KATNB1: variants seen among roughly 807,000 people sequenced by gnomAD.
KATNB1 encodes the protein katanin p80 WD40 repeat-containing subunit B1.
In KATNB1, 38 loss-of-function variants were observed where a neutral mutation model predicts 82.3. That is an observed-to-expected ratio of 0.46 (90% CI 0.36 to 0.61). The LOEUF (loss-of-function observed/expected upper bound fraction) is 0.61. Among genes scored for constraint, KATNB1 ranks in the 20% least tolerant of loss-of-function variants. The pLI is 0.00. For synonymous variants in KATNB1, 361 were observed against 368.7 expected (o/e 0.98, Z 0.24); for missense variants, 749 against 915.7 (o/e 0.82, Z 2.35).
intron 2 of KATNB1, among the ~76,000 whole-genome samples, chr16:57,740,555 G>T (rs2049134260): frequency 6.6e-6 from 1 of 152,252 alleles, no homozygotes; most frequent in Non-Finnish European, 1.5e-5. Context: ...GTGCCTCGGG[G>T]CGTCAGCACC....
rs372112294 is a variant in KATNB1 at position 57,753,276 on chromosome 16, C to G, written c.1046+9C>G. ...TGCAGCAAGCCTCAGAGGTGAGGGC[C>G]TGGGGGGCCTTCGGGGGCCCAGGAG... On this transcript the variant is annotated intron_variant, in intron 11 of 19. Transcript: ENST00000379661. 980 of 1,590,840 alleles carry G rather than the reference C, an allele frequency of 6.2e-4. 2 individuals are homozygous for G. The highest frequency in any genetic ancestry group is 1.2e-3 in the Middle Eastern group (7 of 5,984).
chr16:57,743,150 G>A (rs1445266707), intron 3 of KATNB1, among the ~76,000 whole-genome samples: 1 of 152,246 alleles, frequency 6.6e-6, no homozygotes, highest in Admixed American at 6.5e-5. Flanking sequence ...AAAATTAGCC[G>A]GGCGTGGTGG....
At chr16:57,753,342 G>A (rs1555584302) in intron 11 of KATNB1, 47 bp from the exon 12 acceptor site, 1 of 1,589,578 alleles carries the variant, frequency 6.3e-7, no homozygotes, top group East Asian at 2.3e-5. Flanking sequence ...CCAGCCCTGG[G>A]CCTCACAGGG....
chr16:57,753,896 G>C, intron 12 of KATNB1, 49 bp from the exon 13 acceptor site: 1 of 1,596,294 alleles, frequency 6.3e-7, no homozygotes, highest in African/African-American at 1.3e-5. Context: ...CTGGGTCCCA[G>C]GTGGCCTGGC....
In KATNB1 at chr16:57,751,751, G is replaced by GA. The variant is rs1287721059; in HGVS notation, c.516+27_516+28insA. On this transcript the variant is annotated intron_variant, in intron 7 of 19. Transcript: ENST00000379661. This position sits in a 1 kb window ranked among gnomAD's most constrained non-coding sequence, Gnocchi z 6.3. ...TAGCTCCCGGCCTGACCTGGGCCCA[G>GA]GGGCTGGGGGCTGGGGTCTGCTGAT... 6.3e-7 allele frequency: 1 copy of GA among 1,595,146 alleles called. No homozygotes were observed. The highest frequency in any genetic ancestry group is 1.3e-5 in the African/African-American group (1 of 74,694).
Position 57,751,728 on chromosome 16 carries a change from G to T in KATNB1, c.516+4G>T. ...CGCAGATGACCACACCGTGAAGGTA[G>T]CTCCCGGCCTGACCTGGGCCCAGGG... On this transcript the variant is annotated splice_donor_region_variant and intron_variant, in intron 7 of 19. Transcript: ENST00000379661. The surrounding 1 kb of genome is among the most constrained non-coding windows in gnomAD (Gnocchi z 6.3). 6.2e-7 allele frequency: 1 copy of T among 1,608,662 alleles called. No individual in the cohort carries two copies.
At position 57,751,836 on chromosome 16, in the gene KATNB1, C is replaced by T. The variant is rs143742992; in HGVS notation, c.517-104C>T. ...GGGCTCACATGTCCCAAGCCTATCC[C>T]GAGTGGAAGGTAGCTTGTGGATAAA... On this transcript the variant is annotated intron_variant, in intron 7 of 19. Transcript: ENST00000379661. The surrounding 1 kb of genome is among the most constrained non-coding windows in gnomAD (Gnocchi z 6.3). The T allele has an allele frequency of 6.6e-4, 923 of 1,395,248 alleles. 14 individuals carry two copies. In the East Asian group the frequency reaches 0.02, roughly 30 times the overall value. The allele number at this position is 1,395,248 out of a possible 1,614,324, so 86.4% of individuals were successfully genotyped here. A position where few individuals can be genotyped will look rare whatever the true frequency, so the allele number is the denominator to read the frequency against.
intron 4 of KATNB1, among the ~76,000 whole-genome samples, chr16:57,746,459 G>A (rs782226799): frequency 2.0e-5 from 3 of 152,212 alleles, no homozygotes; most frequent in Non-Finnish European, 4.4e-5. Flanking sequence ...CTTCCACCCT[G>A]TGCTAGGTCG....
intron 4 of KATNB1, among the ~76,000 whole-genome samples, chr16:57,744,757 ATGTG>A (rs1232368575): frequency 5.8e-4 from 81 of 140,284 alleles, no homozygotes; most frequent in African/African-American, 2.1e-3. Flanking sequence ...GTGTGTTTGG[ATGTG>A]TGTGTCTGCG....
intron 4 of KATNB1, 75 bp from the exon 5 acceptor site, chr16:57,750,752 T>C (rs2049220201): frequency 1.0e-5 from 11 of 1,093,836 alleles, no homozygotes; most frequent in Non-Finnish European, 1.6e-5. Flanking sequence ...CACACACAAA[T>C]GCCCACAGCA....
Position 57,751,950 on chromosome 16 carries a change from T to G in KATNB1, c.527T>G (p.Leu176Arg). ...ADDHTVKLWD[L>R]TAGKMMSEFP... ...CTGCCCTGCCTCCAGCTCTGGGATC[T>G]CACTGCCGGCAAGATGATGTCTGAG... Residue 176 changes from leucine (L) to arginine (R), a missense_variant, in exon 8 of 20, where the codon CTC becomes CGC. Around this residue, in one of 3 missense-constraint regions of KATNB1, gnomAD observed 247 missense variants for 349.4 expected, o/e 0.71. Coordinates refer to ENST00000379661, the MANE Select transcript of KATNB1 (RefSeq NM_005886.3). This position sits in a 1 kb window ranked among gnomAD's most constrained non-coding sequence, Gnocchi z 6.3. The G allele has an allele frequency of 6.2e-7, 1 of 1,613,484 alleles. No individual in the cohort carries two copies. The highest frequency in any genetic ancestry group is 8.5e-7 in the Non-Finnish European group (1 of 1,179,668).
At chr16:57,748,473 A>ATTT (rs1567899436) in intron 4 of KATNB1, among the ~76,000 whole-genome samples, 1 of 150,468 alleles carries the variant, frequency 6.6e-6, no homozygotes, top group Non-Finnish European at 1.5e-5. Context: ...TTTTTTAAAA[A>ATTT]AAAAAAAAAA....
intron 19 of KATNB1, 40 bp from the exon 20 acceptor site, chr16:57,756,774 G>A (rs1331993813): frequency 6.6e-7 from 1 of 1,505,348 alleles, no homozygotes; most frequent in Non-Finnish European, 8.9e-7. Flanking sequence ...GTGGGTGGTG[G>A]TGGTGCCAGC....
Position 57,752,587 on chromosome 16 carries a change from G to A in KATNB1, c.690G>A (p.Glu230=). The part of the protein sequence containing the change: ...KFQVVSCIEG[E]PGPVRSVLFN... ...AGGTGGTGAGCTGCATCGAAGGGGAGCCTGGGCCCGTCAGGTACGCAGGCT... is the reference window on the plus strand; with the variant it reads ...AGGTGGTGAGCTGCATCGAAGGGGAACCTGGGCCCGTCAGGTACGCAGGCT... The change falls in exon 9 of 20, where the codon GAG becomes GAA. Residue 230 remains glutamate, a synonymous_variant. Transcript: ENST00000379661. 1 of 1,567,796 alleles carries A rather than the reference G, an allele frequency of 6.4e-7. No individual in the cohort carries two copies. Among genetic ancestry groups the A allele is most frequent in the Non-Finnish European group, 8.6e-7 (1 of 1,156,308 alleles).
chr16:57,752,569 G>T lies in KATNB1; in HGVS notation c.672G>T (p.Val224=). Residue 224 remains valine, a synonymous_variant, in exon 9 of 20, where the codon GTG becomes GTT. Coordinates refer to ENST00000379661, the MANE Select transcript of KATNB1 (RefSeq NM_005886.3). The stretch of plus-strand genomic sequence containing the variant: ...GGGACCTGGAGAAGTTCCAGGTGGT[G>T]AGCTGCATCGAAGGGGAGCCTGGGC... ...RFWDLEKFQV[V]SCIEGEPGPV... 6.4e-7 allele frequency: 1 copy of T among 1,570,014 alleles called. No individual in the cohort carries two copies. Among genetic ancestry groups the T allele is most frequent in the East Asian group, 2.3e-5 (1 of 43,252 alleles).
intron 2 of KATNB1, among the ~76,000 whole-genome samples, chr16:57,738,402 C>T (rs1203377361): frequency 1.3e-5 from 2 of 151,960 alleles, no homozygotes; most frequent in Non-Finnish European, 2.9e-5. Flanking sequence ...ATCACAGGCA[C>T]CCGCCACCAC....
intron 8 of KATNB1, 32 bp from the exon 9 acceptor site, chr16:57,752,498 G>A (rs782238145): frequency 4.0e-5 from 62 of 1,549,330 alleles, no homozygotes. Context: ...ATGAGGGATA[G>A]GCTTCGCAGC....
chr16:57,748,270 G>A (rs1326590448), intron 4 of KATNB1, among the ~76,000 whole-genome samples: 2 of 151,912 alleles, frequency 1.3e-5, no homozygotes, highest in Non-Finnish European at 2.9e-5. Flanking sequence ...ACACCCCCTC[G>A]CCAGAGTGCA....
Position 57,756,819 on chromosome 16 carries a change from A to C in KATNB1, c.1841A>C (p.His614Pro), listed in dbSNP as rs141820607. The C allele has an allele frequency of 2.5e-6, 4 of 1,570,126 alleles. No homozygotes were observed. Among genetic ancestry groups the C allele is most frequent in the East Asian group, 4.6e-5 (2 of 43,676 alleles). ...AGGCACTGCCCTCTCTACAGGCTGC[A>C]TAAGTGCCGGCTCTGCTACAAGCAG... The part of the protein sequence containing the change: ...GVDISREERL[H>P]KCRLCYKQLK... Residue 614 changes from histidine to proline, a missense_variant, in exon 20 of 20, where the codon CAT becomes CCT. By Grantham distance (77) the His-to-Pro change is moderately conservative (BLOSUM62 -2). Transcript: ENST00000379661.
Sources: allele counts gnomAD v4.1 joint callset (sites outside exome capture counted in the v4.1 genomes callset), GRCh38; gene constraint gnomAD v4.1.1; regional missense constraint gnomAD v4.1.1; non-coding constraint Gnocchi (gnomAD v3.1); transcripts MANE v1.5; gene names NCBI Gene and HGNC (gene_info 2026-07-23, HGNC 2026-07-21).